TBX5: variants seen among roughly 807,000 people sequenced by gnomAD.
The protein encoded by TBX5 is T-box transcription factor 5, also known as T-box transcription factor TBX5.
TBX5 carries 8 observed loss-of-function variants against 51.1 expected under a neutral mutation model. The ratio of observed to expected loss-of-function variants is 0.16; its 90% CI spans 0.09 to 0.28. TBX5 has a LOEUF of 0.28. Ranked by LOEUF, TBX5 falls within the 10% of genes least tolerant of loss-of-function variation. The pLI, the probability that TBX5 is intolerant of heterozygous loss-of-function variation, is 1.00. For synonymous variants in TBX5, 302 were observed against 266.4 expected, an observed-to-expected ratio of 1.13 and a Z score of -1.30; for missense variants, 589 against 671.7, an observed-to-expected ratio of 0.88 and a Z score of 1.36.
intron 7 of TBX5, among the ~76,000 whole-genome samples, chr12:114,378,450 A>G (rs1011738080): frequency 6.6e-6 from 1 of 152,162 alleles, no homozygotes; most frequent in Non-Finnish European, 1.5e-5. Flanking sequence ...GCTTCAACAG[A>G]ACATGGACCG....
At position 114,367,071 on chromosome 12, in the gene TBX5, A is replaced by T. The variant is rs1328043948; in HGVS notation, c.756-680T>A. 2.0e-5 allele frequency among the ~76,000 whole-genome samples: 3 copies of T among 152,144 alleles called. No homozygotes were observed. In the East Asian group the frequency reaches 5.8e-4, roughly 29 times the overall value. On this transcript the variant is annotated intron_variant, in intron 7 of 8. Coordinates refer to ENST00000405440, the MANE Select transcript of TBX5 (RefSeq NM_181486.4). ...GGGTTAATGAGTTAACCATGAAAAG[A>T]CTCAGAAAGGTACATGGCACAGAGT...
In TBX5 at chr12:114,399,916, A is replaced by G. The variant is rs79492814; in HGVS notation, c.243-284T>C. Reference sequence around the variant, plus strand: ...AGAGAACGGGTTTTGAAGATGCTTCAAAGGGACCTCCATTTCAACTCTTGC... The same window carrying G: ...AGAGAACGGGTTTTGAAGATGCTTCGAAGGGACCTCCATTTCAACTCTTGC... On this transcript the variant is annotated intron_variant, in intron 3 of 8. Coordinates refer to ENST00000405440, the MANE Select transcript of TBX5 (RefSeq NM_181486.4). Among the ~76,000 whole-genome samples, 3,523 of 152,314 alleles carry G rather than the reference A, an allele frequency of 0.023. 285 individuals are homozygous for G. The highest frequency in any genetic ancestry group is 0.15 in the Admixed American group (2,222 of 15,290).
In TBX5 at chr12:114,403,993, A is replaced by G. The variant is rs148917968; in HGVS notation, c.-38-57T>C. 931 of 1,542,010 alleles carry G rather than the reference A, an allele frequency of 6.0e-4. 1 individual carries two copies. Among genetic ancestry groups the G allele is most frequent in the Admixed American group, 1.1e-3 (58 of 52,184 alleles). The stretch of plus-strand genomic sequence containing the variant: ...GGGGAGGACAGAGAGAGAACGAGAG[A>G]AAGGTTGGAGAGCACAATTCTAGTG... On this transcript the variant is annotated intron_variant, in intron 1 of 8. Transcript: ENST00000405440.
rs28730763 is a variant in TBX5 at position 114,399,566 on chromosome 12, G to T, written c.309C>A (p.Leu103=). ...GLNPKTKYIL[L]MDIVPADDHR... The stretch of plus-strand genomic sequence containing the variant: ...GATCGTCGGCAGGTACAATGTCCAT[G>T]AGAAGAATGTACTTCGTTTTGGGAT... Residue 103 remains leucine (L), a synonymous_variant, in exon 4 of 9, where the codon CTC becomes CTA. Coordinates refer to ENST00000405440, the MANE Select transcript of TBX5 (RefSeq NM_181486.4). The T allele has an allele frequency of 6.2e-7, 1 of 1,614,100 alleles. No individual in the cohort carries two copies. The highest frequency in any genetic ancestry group is 8.5e-7 in the Non-Finnish European group (1 of 1,180,038).
chr12:114,395,180 T>A (rs1295891619), intron 5 of TBX5, among the ~76,000 whole-genome samples: 1 of 152,168 alleles, frequency 6.6e-6, no homozygotes, highest in Non-Finnish European at 1.5e-5. Context: ...ATTAACTCCC[T>A]GCATAGGGCA....
intron 7 of TBX5, among the ~76,000 whole-genome samples, chr12:114,366,718 T>G (rs2136374231): frequency 6.6e-6 from 1 of 152,316 alleles, no homozygotes; most frequent in East Asian, 1.9e-4. Context: ...ATATGTCAAT[T>G]TAGTCTATGT....
chr12:114,358,774 TTTTTTTG>T (rs1869063131), intron 8 of TBX5, among the ~76,000 whole-genome samples: 1 of 129,778 alleles, frequency 7.7e-6, no homozygotes, highest in African/African-American at 2.9e-5. Flanking sequence ...TGTGCGGGGT[TTTTTTTG>T]TTTGTTTGTT....
intron 6 of TBX5, among the ~76,000 whole-genome samples, chr12:114,386,928 T>C (rs772288903): frequency 7.9e-6 from 1 of 127,150 alleles, no homozygotes; most frequent in Non-Finnish European, 1.7e-5. Flanking sequence ...ACCCCATCTC[T>C]ACAAAAAATA....
intron 6 of TBX5, among the ~76,000 whole-genome samples, chr12:114,391,586 G>T (rs138241690): frequency 6.6e-6 from 1 of 152,264 alleles, no homozygotes; most frequent in East Asian, 1.9e-4. Flanking sequence ...CCATTTTACA[G>T]GTGGGGAAAT....
At chr12:114,381,928 A>G (rs1309873437) in intron 7 of TBX5, among the ~76,000 whole-genome samples, 1 of 152,326 alleles carries the variant, frequency 6.6e-6, no homozygotes, top group Admixed American at 6.5e-5. Flanking sequence ...GGTTTGACTC[A>G]ACATGTCAAT....
At chr12:114,384,960 G>T (rs549552867) in intron 7 of TBX5, among the ~76,000 whole-genome samples, 2 of 152,242 alleles carry the variant, frequency 1.3e-5, no homozygotes, top group Non-Finnish European at 1.5e-5. Flanking sequence ...TATGACCACA[G>T]GATATGTAAA....
At chr12:114,401,119 G>A (rs1304297728) in intron 3 of TBX5, among the ~76,000 whole-genome samples, 1 of 152,190 alleles carries the variant, frequency 6.6e-6, no homozygotes, top group African/African-American at 2.4e-5. Flanking sequence ...GACATACAGA[G>A]CTGCACCACT....
At position 114,354,869 on chromosome 12, in the gene TBX5, T is replaced by C. The variant is rs559194135; in HGVS notation, c.*663A>G. The C allele has an allele frequency of 6.4e-6, 1 of 156,438 alleles. No homozygotes were observed. Among genetic ancestry groups the C allele is most frequent in the Non-Finnish European group, 1.4e-5 (1 of 70,842 alleles). 9.7% of individuals were successfully genotyped at this position (156,438 alleles called of 1,614,324 possible). On this transcript the variant is annotated 3_prime_UTR_variant, in exon 9 of 9. Transcript: ENST00000405440. ...TAGAGGCAAAACTGAGCACGTGATA[T>C]TGGAGAAGGCAGGACAAAACCAAAG...
rs186714253 is a variant in TBX5, at chr12:114,371,057, C to A, written c.756-4666G>T. On this transcript the variant is annotated intron_variant, in intron 7 of 8. Transcript: ENST00000405440. ...ATGCTTAATAATAAGCAATTGTTAC[C>A]TCCATACCAACTACTTGGCAAATCC... Among the ~76,000 whole-genome samples, 4 of 152,262 alleles carry A rather than the reference C, an allele frequency of 2.6e-5. No individual in the cohort carries two copies. The East Asian group carries it at 7.7e-4, about 29-fold the overall frequency.
At chr12:114,397,120 G>T (rs961506841) in intron 5 of TBX5, among the ~76,000 whole-genome samples, 1 of 152,132 alleles carries the variant, frequency 6.6e-6, no homozygotes, top group Non-Finnish European at 1.5e-5. Flanking sequence ...CAGATTTCTC[G>T]TTTGGACCTT....
intron 6 of TBX5, 35 bp downstream of exon 6, chr12:114,394,706 G>C: frequency 6.2e-7 from 1 of 1,613,598 alleles, no homozygotes; most frequent in Non-Finnish European, 8.5e-7. Context: ...AAGAGCAGAC[G>C]GCCCCAGGCA....
intron 6 of TBX5, among the ~76,000 whole-genome samples, chr12:114,392,007 A>G (rs1483838539): frequency 6.6e-6 from 1 of 152,172 alleles, no homozygotes; most frequent in Non-Finnish European, 1.5e-5. Context: ...TAAACAGAAC[A>G]TTATGCACAG....
Position 114,398,563 on chromosome 12 carries a change from C to A in TBX5, c.510+10G>T, listed in dbSNP as rs1343975809. Reference sequence around the variant, plus strand: ...GAGACAAGGCGGGGAATCCAGGCCACGGTACTCACATGCCCAAATGGGTCC... The same window carrying A: ...GAGACAAGGCGGGGAATCCAGGCCAAGGTACTCACATGCCCAAATGGGTCC... On this transcript the variant is annotated intron_variant, in intron 5 of 8. Transcript: ENST00000405440. The A allele has an allele frequency of 6.2e-7, 1 of 1,611,894 alleles. No individual in the cohort carries two copies. Among genetic ancestry groups the A allele is most frequent in the Non-Finnish European group, 8.5e-7 (1 of 1,179,106 alleles).
Position 114,406,014 on chromosome 12 carries a change from G to A in TBX5, c.-425C>T, listed in dbSNP as rs944393380. On this transcript the variant is annotated 5_prime_UTR_variant, in exon 1 of 9. Coordinates refer to ENST00000405440, the MANE Select transcript of TBX5 (RefSeq NM_181486.4). ...AGTCCTTTCTGAGCGCAGCTTTCAG[G>A]ATTAAAGTTCCCGGATTCGAGGTAA... The A allele has an allele frequency of 7.0e-5, 69 of 985,216 alleles. No homozygotes were observed. Among genetic ancestry groups the A allele is most frequent in the Admixed American group, 1.8e-4 (3 of 16,250 alleles). The allele number at this position is 985,216 out of a possible 1,614,324, so 61.0% of individuals were successfully genotyped here.
Sources: gnomAD v4.1 joint callset for allele counts (sites outside exome capture counted in the v4.1 genomes callset) on GRCh38, gnomAD v4.1.1 for gene constraint, MANE v1.5 for transcripts, NCBI Gene and HGNC (gene_info 2026-07-23, HGNC 2026-07-21) for gene names.